Variants in ARHGAP26 observed in about 807,000 individuals in gnomAD.
The protein encoded by ARHGAP26 is Rho GTPase activating protein 26, also known as rho GTPase-activating protein 26.
In ARHGAP26, 38 loss-of-function variants were observed where a neutral mutation model predicts 104.8. The ratio of observed to expected loss-of-function variants is 0.36; its 90% CI spans 0.28 to 0.48. ARHGAP26 has a LOEUF of 0.48. Among genes scored for constraint, ARHGAP26 ranks in the 20% least tolerant of loss-of-function variants. The pLI, the probability that ARHGAP26 is intolerant of heterozygous loss-of-function variation, is 0.99. For synonymous variants in ARHGAP26, 341 were observed against 340.0 expected (o/e 1.00, Z -0.03); for missense variants, 704 against 947.9 (o/e 0.74, Z 3.38).
At position 142,871,708 on chromosome 5, in the gene ARHGAP26, C is replaced by A. The variant is rs1173764780; in HGVS notation, c.155-1692C>A. On this transcript the variant is annotated intron_variant, in intron 1 of 22. Coordinates refer to ENST00000645722, the MANE Select transcript of ARHGAP26 (RefSeq NM_001135608.3). This position sits in a 1 kb window ranked among gnomAD's most constrained non-coding sequence, Gnocchi z 4.1. ...TTCTGGCTTTTGGGTGCATCTGTTT[C>A]CTTCCTGGCTTGCCTTTTGTGATTT... Among the ~76,000 whole-genome samples, 2 of 152,198 alleles carry A rather than the reference C, an allele frequency of 1.3e-5. No homozygotes were observed. The highest frequency in any genetic ancestry group is 2.9e-5 in the Non-Finnish European group (2 of 68,036).
At chr5:142,930,730 C>A (rs1167905784) in intron 10 of ARHGAP26, among the ~76,000 whole-genome samples, 1 of 152,082 alleles carries the variant, frequency 6.6e-6, no homozygotes, top group African/African-American at 2.4e-5. Context: ...CCCCTTGTAT[C>A]CTCAACCTGT....
At chr5:142,864,161 A>T (rs1443338143) in intron 1 of ARHGAP26, among the ~76,000 whole-genome samples, 1 of 152,040 alleles carries the variant, frequency 6.6e-6, no homozygotes, top group Non-Finnish European at 1.5e-5. Context: ...GGCCAAGCTC[A>T]AGTTCCACCT....
At chr5:142,860,735 C>T (rs1163943396) in intron 1 of ARHGAP26, among the ~76,000 whole-genome samples, 1 of 152,204 alleles carries the variant, frequency 6.6e-6, no homozygotes, top group East Asian at 1.9e-4. Flanking sequence ...CTACCACGAG[C>T]ATTAATTGCC....
intron 10 of ARHGAP26, among the ~76,000 whole-genome samples, chr5:142,916,563 C>T (rs879588249): frequency 3.3e-5 from 5 of 152,158 alleles, no homozygotes; most frequent in Non-Finnish European, 7.4e-5. Context: ...ACAGTTTCAT[C>T]AGAACACATG....
chr5:143,035,755 G>T (rs918790416), intron 12 of ARHGAP26, among the ~76,000 whole-genome samples: 3 of 151,946 alleles, frequency 2.0e-5, no homozygotes, highest in Admixed American at 2.0e-4. Flanking sequence ...GGCCAACATG[G>T]TGAAACTCTG....
rs189856846 is a variant in ARHGAP26, at chr5:143,118,946, A to T, written c.1539-2042A>T. On this transcript the variant is annotated intron_variant, in intron 17 of 22. Coordinates refer to ENST00000645722, the MANE Select transcript of ARHGAP26 (RefSeq NM_001135608.3). ...CTAAAACTTAAAAGTATAATAATAA[A>T]AAAAAAAAAAGAAAGAAGAAAGAAA... Among the ~76,000 whole-genome samples, 348 of 150,766 alleles carry T rather than the reference A, an allele frequency of 2.3e-3. 2 individuals carry two copies. Among genetic ancestry groups the T allele is most frequent in the East Asian group, 7.2e-3 (37 of 5,162 alleles).
intron 4 of ARHGAP26, among the ~76,000 whole-genome samples, chr5:142,880,255 C>T (rs546826863): frequency 1.3e-5 from 2 of 152,318 alleles, no homozygotes; most frequent in South Asian, 2.1e-4. Flanking sequence ...CGCAGTGGCT[C>T]ATGCCTGTAA....
rs184917988 is a variant in ARHGAP26, at chr5:143,125,738, A to T, written c.1698+4591A>T. ...ATACAGTCCAGAAATAATAATGATG[A>T]TAGTAATAGCTAACTTTTACTTACA... On this transcript the variant is annotated intron_variant, in intron 18 of 22. Coordinates refer to ENST00000645722, the MANE Select transcript of ARHGAP26 (RefSeq NM_001135608.3). Among the ~76,000 whole-genome samples the T allele has an allele frequency of 5.3e-5, 8 of 152,364 alleles. 1 individual carries two copies. In the East Asian group the frequency reaches 1.5e-3, roughly 29 times the overall value.
intron 17 of ARHGAP26, among the ~76,000 whole-genome samples, chr5:143,119,692 C>T (rs1049664188): frequency 2.0e-5 from 3 of 152,186 alleles, no homozygotes; most frequent in African/African-American, 7.2e-5. Context: ...AGCAAATCCT[C>T]TTTCTAACTG....
At chr5:143,218,666 GTA>G (rs751965907) in intron 22 of ARHGAP26, among the ~76,000 whole-genome samples, 1 of 152,204 alleles carries the variant, frequency 6.6e-6, no homozygotes, top group Non-Finnish European at 1.5e-5. Flanking sequence ...CTTATATTTA[GTA>G]TATGCTGTTG....
At chr5:143,087,036 A>G (rs1295544093) in intron 17 of ARHGAP26, among the ~76,000 whole-genome samples, 1 of 152,230 alleles carries the variant, frequency 6.6e-6, no homozygotes, top group Admixed American at 6.5e-5. Flanking sequence ...CCCAAGCACT[A>G]AAGTGTTTGC....
At chr5:143,020,583 C>G (rs562726268) in intron 12 of ARHGAP26, among the ~76,000 whole-genome samples, 7 of 150,744 alleles carry the variant, frequency 4.6e-5, no homozygotes, top group African/African-American at 1.7e-4. Flanking sequence ...GCATCCAAGT[C>G]CTAGTCCTTT....
intron 17 of ARHGAP26, among the ~76,000 whole-genome samples, chr5:143,119,837 A>G (rs142529043): frequency 1.3e-5 from 2 of 152,324 alleles, no homozygotes; most frequent in African/African-American, 4.8e-5. Flanking sequence ...TGGTATTTCA[A>G]TAAAGGCTCA....
At chr5:143,190,774 A>C (rs1475427056) in intron 20 of ARHGAP26, among the ~76,000 whole-genome samples, 1 of 152,256 alleles carries the variant, frequency 6.6e-6, no homozygotes, top group East Asian at 1.9e-4. Context: ...TCACTAATAA[A>C]GAACTTGTAT....
At chr5:143,043,857 A>G (rs1445333775) in intron 14 of ARHGAP26, among the ~76,000 whole-genome samples, 1 of 152,234 alleles carries the variant, frequency 6.6e-6, no homozygotes, top group Non-Finnish European at 1.5e-5. Flanking sequence ...TAGAAGATTG[A>G]GTAGTGTAGT....
intron 11 of ARHGAP26, among the ~76,000 whole-genome samples, chr5:142,987,158 T>A (rs1774871728): frequency 6.6e-6 from 1 of 152,228 alleles, no homozygotes. Context: ...GTTTGTGTCC[T>A]CTTTTATTTC....
At chr5:143,118,806 G>A (rs1027205208) in intron 17 of ARHGAP26, among the ~76,000 whole-genome samples, 1 of 151,964 alleles carries the variant, frequency 6.6e-6, no homozygotes, top group African/African-American at 2.4e-5. Context: ...GGGAGAGGGG[G>A]GAGGGATAGC....
chr5:142,988,603 T>G (rs1310526763), intron 11 of ARHGAP26, among the ~76,000 whole-genome samples: 5 of 152,234 alleles, frequency 3.3e-5, no homozygotes, highest in Non-Finnish European at 7.3e-5. Flanking sequence ...TTTTAGATCT[T>G]TCCTTCTTTC....
At chr5:142,835,376 C>T (rs1769351355) in intron 1 of ARHGAP26, among the ~76,000 whole-genome samples, 1 of 152,006 alleles carries the variant, frequency 6.6e-6, no homozygotes, top group African/African-American at 2.4e-5. Context: ...TTCAGGTGGC[C>T]CCATTCATTT....
Sources: gnomAD v4.1 joint callset for allele counts (sites outside exome capture counted in the v4.1 genomes callset) on GRCh38, gnomAD v4.1.1 for gene constraint, Gnocchi (gnomAD v3.1) non-coding constraint, MANE v1.5 for transcripts, NCBI Gene and HGNC (gene_info 2026-07-23, HGNC 2026-07-21) for gene names.